FARP1: variants seen among roughly 807,000 people sequenced by gnomAD.
FARP1 encodes the protein FERM, ARH/RhoGEF and pleckstrin domain protein 1.
Under a neutral mutation model 128.8 loss-of-function variants are expected in FARP1, and 52 were observed. The ratio of observed to expected loss-of-function variants is 0.40; its 90% CI spans 0.32 to 0.51. FARP1 has a LOEUF of 0.51. Among genes scored for constraint, FARP1 ranks in the 20% least tolerant of loss-of-function variants. FARP1 has a pLI of 0.45. For synonymous variants in FARP1, 580 were observed against 551.8 expected (o/e 1.05, Z -0.72); for missense variants, 1,333 against 1,367.9 (o/e 0.97, Z 0.40).
At chr13:98,309,291 C>T (rs1566860423) in intron 2 of FARP1, among the ~76,000 whole-genome samples, 1 of 148,036 alleles carries the variant, frequency 6.8e-6, no homozygotes, top group Non-Finnish European at 1.5e-5. Flanking sequence ...CTCAGCCTCC[C>T]GAGTAGCTGG....
At chr13:98,399,226 C>G (rs1890668578) in intron 13 of FARP1, 1 of 152,122 alleles carries the variant, frequency 6.6e-6, no homozygotes, top group South Asian at 2.1e-4. Context: ...CTACTTGCCT[C>G]AAGAGGAGCT....
rs995699098 is a variant in FARP1 at position 98,448,927 on chromosome 13, A to G, written c.*610A>G. 6.6e-6 allele frequency: 1 copy of G among 152,156 alleles called. No individual in the cohort carries two copies. The highest frequency in any genetic ancestry group is 2.4e-5 in the African/African-American group (1 of 41,420). 9.4% of individuals were successfully genotyped at this position (152,156 alleles called of 1,614,324 possible). On this transcript the variant is annotated 3_prime_UTR_variant, in exon 27 of 27. Coordinates refer to ENST00000319562, the MANE Select transcript of FARP1 (RefSeq NM_005766.4). ...CGGGGTTTCACGCTCACCTGAAAACACCTGTTCCCAACCTACTTCTTGGTG... is the reference window on the plus strand; with the variant it reads ...CGGGGTTTCACGCTCACCTGAAAACGCCTGTTCCCAACCTACTTCTTGGTG...
rs34250002 is a variant in FARP1, at chr13:98,151,660, C to CTTTTTTTTTT, written c.-24+8178_-24+8187dup. On this transcript the variant is annotated intron_variant, in intron 1 of 26. Transcript: ENST00000319562. ...AAACCTGCCCTTATATATCTTCCAT[C>CTTTTTTTTTT]TTTTTTTTTTTTTTTTTTTGAGACG... 1.4e-3 allele frequency among the ~76,000 whole-genome samples: 95 copies of CTTTTTTTTTT among 69,218 alleles called. 21 individuals are homozygous for CTTTTTTTTTT. Among genetic ancestry groups the CTTTTTTTTTT allele is most frequent in the Middle Eastern group, 0.021 (1 of 48 alleles). The allele number at this position is 69,218 out of a possible 152,430, so 45.4% of individuals were successfully genotyped here.
At chr13:98,150,393 G>C (rs1181730808) in intron 1 of FARP1, among the ~76,000 whole-genome samples, 2 of 152,136 alleles carry the variant, frequency 1.3e-5, no homozygotes, top group Admixed American at 1.3e-4. Flanking sequence ...TAGGATACTT[G>C]ATATACAGTA....
chr13:98,310,852 G>T (rs1225528168), intron 2 of FARP1, among the ~76,000 whole-genome samples: 1 of 152,122 alleles, frequency 6.6e-6, no homozygotes, highest in Non-Finnish European at 1.5e-5. Context: ...CCTTCCTCCT[G>T]CCCCCTTGCA....
At chr13:98,295,448 A>G (rs1885645853) in intron 2 of FARP1, among the ~76,000 whole-genome samples, 1 of 152,160 alleles carries the variant, frequency 6.6e-6, no homozygotes, top group African/African-American at 2.4e-5. Flanking sequence ...ATTTAGATTT[A>G]AGGAAGCTCG....
intron 2 of FARP1, chr13:98,244,880 G>T: frequency 7.0e-7 from 1 of 1,431,874 alleles, no homozygotes; most frequent in Non-Finnish European, 9.1e-7. Context: ...GCATACAGAG[G>T]GGCCCATCCA....
At chr13:98,242,880 G>A (rs1366203763) in intron 2 of FARP1, among the ~76,000 whole-genome samples, 1 of 152,112 alleles carries the variant, frequency 6.6e-6, no homozygotes, top group Non-Finnish European at 1.5e-5. Flanking sequence ...ATAAGACAAG[G>A]TTCAACATCT....
intron 16 of FARP1, among the ~76,000 whole-genome samples, chr13:98,420,077 G>A (rs1039512360): frequency 1.6e-4 from 24 of 152,152 alleles, no homozygotes; most frequent in African/African-American, 5.8e-4. Context: ...CCTAGGGCTC[G>A]TGATGCTTTA....
At chr13:98,315,358 G>C (rs1050447792) in intron 2 of FARP1, among the ~76,000 whole-genome samples, 1 of 152,084 alleles carries the variant, frequency 6.6e-6, no homozygotes, top group Non-Finnish European at 1.5e-5. Flanking sequence ...CCCCGCCTCT[G>C]CCTCCCAAAG....
At chr13:98,321,269 TGTGGAGTC>T (rs1486702653) in intron 2 of FARP1, among the ~76,000 whole-genome samples, 1 of 152,184 alleles carries the variant, frequency 6.6e-6, no homozygotes, top group African/African-American at 2.4e-5. Context: ...CATTTGTTTC[TGTGGAGTC>T]GTGGAGAAAC....
At chr13:98,263,598 T>C (rs1176867901) in intron 2 of FARP1, among the ~76,000 whole-genome samples, 1 of 152,218 alleles carries the variant, frequency 6.6e-6, no homozygotes, top group Non-Finnish European at 1.5e-5. Context: ...GTGTGCAATT[T>C]CAATACACAG....
intron 3 of FARP1, among the ~76,000 whole-genome samples, chr13:98,358,726 C>T (rs552986958): frequency 1.8e-4 from 28 of 152,184 alleles, no homozygotes; most frequent in African/African-American, 5.3e-4. Context: ...ACCTCCGCCT[C>T]GCAGGTTCAA....
intron 1 of FARP1, among the ~76,000 whole-genome samples, chr13:98,185,243 A>G (rs57502722): frequency 0.01 from 1,529 of 152,278 alleles, 29 homozygotes; most frequent in African/African-American, 0.035. Flanking sequence ...TGGCTGGTAA[A>G]AATTCCTGAA....
At chr13:98,175,471 G>A (rs1247340977) in intron 1 of FARP1, among the ~76,000 whole-genome samples, 5 of 151,476 alleles carry the variant, frequency 3.3e-5, no homozygotes, top group Admixed American at 6.6e-5. Context: ...ACTCCCTCCC[G>A]GTCTTGGTTC....
intron 2 of FARP1, among the ~76,000 whole-genome samples, chr13:98,267,746 CG>C (rs554889505): frequency 4.5e-4 from 69 of 152,340 alleles, no homozygotes; most frequent in African/African-American, 1.6e-3. Flanking sequence ...GCCTTCCCAC[CG>C]AGGACTGCAG....
chr13:98,274,429 G>C (rs1254149783), intron 2 of FARP1, among the ~76,000 whole-genome samples: 1 of 152,080 alleles, frequency 6.6e-6, no homozygotes, highest in Non-Finnish European at 1.5e-5. Context: ...GAGGAAGGAA[G>C]GTTGCCGTTT....
chr13:98,390,147 T>G, intron 10 of FARP1, 27 bp downstream of exon 10: 6 of 1,607,084 alleles, frequency 3.7e-6, no homozygotes, highest in Non-Finnish European at 5.1e-6. Context: ...GTGCCTCTGT[T>G]TGCTGGGTGC....
At chr13:98,343,705 T>A in intron 2 of FARP1, 57 bp from the exon 3 acceptor site, 1 of 1,182,338 alleles carries the variant, frequency 8.5e-7, no homozygotes, top group Non-Finnish European at 1.3e-6. Flanking sequence ...CGAGGAGCTG[T>A]GGTTTGTTTT....
Sources: gnomAD v4.1 joint callset for allele counts (sites outside exome capture counted in the v4.1 genomes callset) on GRCh38, gnomAD v4.1.1 for gene constraint, MANE v1.5 for transcripts, NCBI Gene and HGNC (gene_info 2026-07-23, HGNC 2026-07-21) for gene names.